Variants in NAV3 observed in about 807,000 individuals in gnomAD.
NAV3 encodes pore membrane and/or filament interacting like protein 1.
Under a neutral mutation model 244.7 loss-of-function variants are expected in NAV3, and 87 were observed. That is an observed-to-expected ratio of 0.36 (90% CI 0.30 to 0.42). The LOEUF is 0.42. Among genes scored for constraint, NAV3 ranks in the 20% least tolerant of loss-of-function variants. NAV3 has a pLI of 1.00. For missense variants in NAV3, 2,663 were observed against 2,893.3 expected, an observed-to-expected ratio of 0.92 and a Z score of 1.83; for synonymous variants, 1,126 against 1,042.2, an observed-to-expected ratio of 1.08 and a Z score of -1.55.
chr12:77,616,114 A>T (rs1024718825), intron 2 of NAV3, among the ~76,000 whole-genome samples: 3 of 152,114 alleles, frequency 2.0e-5, no homozygotes, highest in African/African-American at 7.2e-5. Context: ...CAGACATAAG[A>T]AGTTAGTATG....
intron 1 of NAV3, among the ~76,000 whole-genome samples, chr12:77,899,987 G>GTGAGAA (rs1201991558): frequency 1.3e-5 from 2 of 152,020 alleles, no homozygotes; most frequent in Non-Finnish European, 2.9e-5. Context: ...CCCCCAGACA[G>GTGAGAA]TGAGAATAGT....
At chr12:78,119,135 G>A in intron 14 of NAV3, 102 bp from the exon 15 acceptor site, 4 of 1,151,212 alleles carry the variant, frequency 3.5e-6, no homozygotes, top group East Asian at 2.4e-5. Flanking sequence ...TTTAGGAAGG[G>A]AAATAATATA....
intron 2 of NAV3, among the ~76,000 whole-genome samples, chr12:77,755,513 C>A (rs889463644): frequency 7.5e-5 from 1 of 13,344 alleles, no homozygotes; most frequent in South Asian, 3.1e-3. Context: ...CTCCCTGTGC[C>A]TTTCCTTTCC....
At chr12:77,802,841 G>T (rs1240556296) in intron 2 of NAV3, among the ~76,000 whole-genome samples, 1 of 151,868 alleles carries the variant, frequency 6.6e-6, no homozygotes, top group Non-Finnish European at 1.5e-5. Context: ...TTTGTTTTTT[G>T]TATTTTTAGT....
At chr12:78,107,809 A>G (rs1221678602) in intron 12 of NAV3, among the ~76,000 whole-genome samples, 3 of 152,138 alleles carry the variant, frequency 2.0e-5, no homozygotes, top group Non-Finnish European at 4.4e-5. Flanking sequence ...ACATGAAAGT[A>G]TAAAACTCCC....
At chr12:78,054,847 A>G (rs1333674556) in intron 11 of NAV3, among the ~76,000 whole-genome samples, 1 of 152,070 alleles carries the variant, frequency 6.6e-6, no homozygotes, top group Non-Finnish European at 1.5e-5. Flanking sequence ...GAAAGCAGAG[A>G]GAGAGATGAT....
chr12:78,128,934 A>G (rs1956045568), intron 18 of NAV3, 68 bp downstream of exon 18: 2 of 1,452,702 alleles, frequency 1.4e-6, no homozygotes, highest in Non-Finnish European at 1.9e-6. Flanking sequence ...AAACCCTGGA[A>G]TCTCTCCATA....
At chr12:77,922,677 G>A (rs1439553247) in intron 1 of NAV3, among the ~76,000 whole-genome samples, 3 of 152,034 alleles carry the variant, frequency 2.0e-5, no homozygotes, top group Non-Finnish European at 4.4e-5. Context: ...GTTACTTGTG[G>A]TTCTCTCTTT....
intron 2 of NAV3, among the ~76,000 whole-genome samples, chr12:77,635,150 C>T (rs1218484118): frequency 6.6e-6 from 1 of 152,072 alleles, no homozygotes; most frequent in African/African-American, 2.4e-5. Flanking sequence ...ATTGCTGGAA[C>T]CTGGGAGGCA....
At chr12:77,962,929 A>G (rs922345876) in intron 3 of NAV3, among the ~76,000 whole-genome samples, 24 of 152,294 alleles carry the variant, frequency 1.6e-4, no homozygotes, top group African/African-American at 5.8e-4. Context: ...GTCACAGTCA[A>G]TATTTTAGAA....
chr12:78,029,179 C>CA (rs149050506), intron 9 of NAV3, among the ~76,000 whole-genome samples: 1,924 of 128,774 alleles, frequency 0.015, 23 homozygotes, highest in South Asian at 0.034. Context: ...CTACCTATTC[C>CA]AAAAAAAAAA....
At chr12:78,136,297 T>A (rs1593737247) in intron 18 of NAV3, among the ~76,000 whole-genome samples, 1 of 152,236 alleles carries the variant, frequency 6.6e-6, no homozygotes, top group Non-Finnish European at 1.5e-5. Context: ...AATATGAGCA[T>A]TTAGAATATC....
intron 5 of NAV3, among the ~76,000 whole-genome samples, chr12:77,976,674 C>CTTTTTTTTTTTTT (rs869041498): frequency 8.6e-4 from 72 of 83,400 alleles, no homozygotes; most frequent in Non-Finnish European, 9.1e-4. Flanking sequence ...TTCTTTTTTT[C>CTTTTTTTTTTTTT]TTTTTTTTTT....
chr12:77,664,908 ATTTG>A (rs1873647428), intron 2 of NAV3, among the ~76,000 whole-genome samples: 1 of 152,002 alleles, frequency 6.6e-6, no homozygotes, highest in Admixed American at 6.6e-5. Context: ...TATTTTACTT[ATTTG>A]TTTATTTATT....
intron 3 of NAV3, among the ~76,000 whole-genome samples, chr12:77,962,410 A>C (rs1892106783): frequency 2.0e-5 from 3 of 152,134 alleles, no homozygotes; most frequent in Admixed American, 1.3e-4. Flanking sequence ...ACTTCCATTC[A>C]TGATCTTTTC....
chr12:77,577,790 C>T (rs1258802587), intron 2 of NAV3, among the ~76,000 whole-genome samples: 1 of 152,116 alleles, frequency 6.6e-6, no homozygotes, highest in Non-Finnish European at 1.5e-5. Context: ...ATCTTTTCCT[C>T]TGTCTTGATA....
chr12:78,151,910 G>A (rs564446997), intron 22 of NAV3, among the ~76,000 whole-genome samples: 133 of 151,222 alleles, frequency 8.8e-4, no homozygotes, highest in African/African-American at 3.0e-3. Flanking sequence ...AATATTTTAA[G>A]TATCAGATAC....
intron 2 of NAV3, among the ~76,000 whole-genome samples, chr12:77,789,509 A>T (rs529645877): frequency 9.0e-3 from 23 of 2,548 alleles, no homozygotes; most frequent in Admixed American, 0.026. Flanking sequence ...CTAATGAGCT[A>T]AAAAAAAAAA....
chr12:77,700,004 A>G (rs891901044), intron 2 of NAV3, among the ~76,000 whole-genome samples: 2 of 152,168 alleles, frequency 1.3e-5, no homozygotes, highest in Admixed American at 1.3e-4. Context: ...GCACAGGCCT[A>G]TAGTCTAATC....
Sources: allele counts gnomAD v4.1 joint callset (sites outside exome capture counted in the v4.1 genomes callset), GRCh38; gene constraint gnomAD v4.1.1; transcripts MANE v1.5; gene names NCBI Gene and HGNC (gene_info 2026-07-23, HGNC 2026-07-21).